Variants in SYMPK observed in about 807,000 individuals in gnomAD.
The protein encoded by SYMPK is symplekin scaffold protein, also known as symplekin.
Under a neutral mutation model 136.4 loss-of-function variants are expected in SYMPK, and 49 were observed. The ratio of observed to expected loss-of-function variants is 0.36; its 90% confidence interval spans 0.29 to 0.46. The LOEUF is 0.46. SYMPK is among the 20% of genes least tolerant of loss of function. The pLI is 1.00. For synonymous variants in SYMPK, 766 were observed against 713.0 expected, an observed-to-expected ratio of 1.07 and a Z score of -1.19; for missense variants, 1,365 against 1,690.0, an observed-to-expected ratio of 0.81 and a Z score of 3.37.
intron 5 of SYMPK, 54 bp from the exon 6 acceptor site, chr19:45,848,930 G>C: frequency 6.2e-7 from 1 of 1,609,740 alleles, no homozygotes; most frequent in Non-Finnish European, 8.5e-7. Context: ...AGAGCAAGTA[G>C]GAGGAGCCTG....
rs185128526 is a variant in SYMPK, at chr19:45,830,111, G to A, written c.1692C>T (p.Gly564=). The part of the protein sequence containing the change: ...TDAQVEAMKL[G]AVKRILRAEK... ...CAGCCCGCAGGATCCGCTTCACAGCGCCCAGCTTCATGGCTTCCACCTGGG... is the reference window on the plus strand; with the variant it reads ...CAGCCCGCAGGATCCGCTTCACAGCACCCAGCTTCATGGCTTCCACCTGGG... Residue 564 remains glycine (G), a synonymous_variant, in exon 13 of 27, where the codon GGC becomes GGT. Transcript: ENST00000245934. The A allele has an allele frequency of 1.9e-5, 30 of 1,586,708 alleles. No individual in the cohort carries two copies. Among genetic ancestry groups the A allele is most frequent in the Admixed American group, 5.3e-5 (3 of 56,874 alleles).
chr19:45,860,806 T>A (rs941737978), intron 1 of SYMPK, among the ~76,000 whole-genome samples: 13 of 152,184 alleles, frequency 8.5e-5, no homozygotes, highest in Non-Finnish European at 1.9e-4. Flanking sequence ...CATTTAATTT[T>A]TGTACTTTCT....
At position 45,854,251 on chromosome 19, in the gene SYMPK, G is replaced by A. The variant is rs550461331; in HGVS notation, c.106-11C>T. On this transcript the variant is annotated splice_polypyrimidine_tract_variant and intron_variant, in intron 2 of 26. Coordinates refer to ENST00000245934, the MANE Select transcript of SYMPK (RefSeq NM_004819.3). ...CAGAAGATCCACCACCTGGAAGGAG[G>A]GGGAGTGGCAGGGGATAGTGCCAGC... 4.3e-6 allele frequency: 7 copies of A among 1,614,050 alleles called. No individual in the cohort carries two copies. The South Asian group carries it at 7.7e-5, about 18-fold the overall frequency.
Position 45,821,573 on chromosome 19 carries a change from G to A in SYMPK, c.2792-88C>T. 1 of 865,280 alleles carries A rather than the reference G, an allele frequency of 1.2e-6. No individual in the cohort carries two copies. The highest frequency in any genetic ancestry group is 1.9e-6 in the Non-Finnish European group (1 of 539,896). The allele number at this position is 865,280 out of a possible 1,614,324, so 53.6% of individuals were successfully genotyped here. On this transcript the variant is annotated intron_variant, in intron 21 of 26. Transcript: ENST00000245934. This position sits in a 1 kb window ranked among gnomAD's most constrained non-coding sequence, Gnocchi z 4.4. ...CTGAGTTCCCCAGATCGGGGGAGCT[G>A]CGAGCAAAGATGAGGTGCCCTCTGC...
At position 45,842,259 on chromosome 19, in the gene SYMPK, T is replaced by C. The variant is rs1232111363; in HGVS notation, c.1078A>G (p.Met360Val). Residue 360 changes from methionine to valine, a missense_variant, in exon 9 of 27, where the codon ATG (methionine) becomes GTG (valine). This residue lies in a region of SYMPK where 111 missense variants were observed against 141.2 expected (regional missense o/e 0.79). Coordinates refer to ENST00000245934, the MANE Select transcript of SYMPK (RefSeq NM_004819.3). ...RDDSDSTLKK[M>V]KLEPNLGEDD... ...CACCAGCCCCTCTCACCCAGCTTCA[T>C]CTTCTTGAGTGTGGAGTCCGAGTCA... 2 of 1,614,072 alleles carry C rather than the reference T, an allele frequency of 1.2e-6. No homozygotes were observed. The highest frequency in any genetic ancestry group is 1.7e-6 in the Non-Finnish European group (2 of 1,180,040).
At chr19:45,831,165 A>G in intron 12 of SYMPK, 1 of 367,024 alleles carries the variant, frequency 2.7e-6, no homozygotes, top group Non-Finnish European at 4.6e-6. Flanking sequence ...AGACATAAAA[A>G]AGGATTTTTT....
At position 45,860,293 on chromosome 19, in the gene SYMPK, T is replaced by C. The variant is rs1330509059; in HGVS notation, c.-13+2765A>G. Among the ~76,000 whole-genome samples, 3 of 145,486 alleles carry C rather than the reference T, an allele frequency of 2.1e-5. 1 individual carries two copies. The highest frequency in any genetic ancestry group is 7.9e-3 in the Middle Eastern group (2 of 254). ...CAACATGGTGAAACCTCATCTCTAC[T>C]AAAAATACAAAAAAATTAGCCAGGC... On this transcript the variant is annotated intron_variant, in intron 1 of 26. Coordinates refer to ENST00000245934, the MANE Select transcript of SYMPK (RefSeq NM_004819.3).
rs1283494060 is a variant in SYMPK at position 45,826,448 on chromosome 19, A to G, written c.2182-75T>C. On this transcript the variant is annotated intron_variant, in intron 16 of 26. Transcript: ENST00000245934. ...GAACAGCTATTCCTGCGAGCATGGC[A>G]ACACTCACGTGAAAACAAGCCCGAG... The G allele has an allele frequency of 4.6e-6, 7 of 1,518,542 alleles. No homozygotes were observed. In the East Asian group the frequency reaches 1.6e-4, roughly 34 times the overall value. The allele number at this position is 1,518,542 out of a possible 1,614,324, so 94.1% of individuals were successfully genotyped here.
chr19:45,818,252 G>C, intron 22 of SYMPK, 106 bp from the exon 23 acceptor site: 1 of 1,215,402 alleles, frequency 8.2e-7, no homozygotes, highest in Non-Finnish European at 1.1e-6. Context: ...GACTTCTAAA[G>C]CCCTGACTTC....
intron 3 of SYMPK, among the ~76,000 whole-genome samples, chr19:45,852,809 T>C (rs1971728565): frequency 6.6e-6 from 1 of 152,108 alleles, no homozygotes; most frequent in Non-Finnish European, 1.5e-5. Context: ...CAGGTCCTGG[T>C]AGATAGTGAG....
rs143536833 is a variant in SYMPK at position 45,857,787 on chromosome 19, A to C, written c.-12-3280T>G. Among the ~76,000 whole-genome samples, 471 of 146,812 alleles carry C rather than the reference A, an allele frequency of 3.2e-3. 3 individuals are homozygous for C. The highest frequency in any genetic ancestry group is 0.011 in the African/African-American group (454 of 39,558). ...ATTACAGGCGTGAGCCACCGCAACCAGCCGAAAATACTTTTTTTTTTTTTT... is the reference window on the plus strand; with the variant it reads ...ATTACAGGCGTGAGCCACCGCAACCCGCCGAAAATACTTTTTTTTTTTTTT... On this transcript the variant is annotated intron_variant, in intron 1 of 26. Transcript: ENST00000245934.
intron 14 of SYMPK, chr19:45,828,178 TA>T (rs1270521584): frequency 4.4e-5 from 19 of 431,904 alleles, no homozygotes; most frequent in Middle Eastern, 1.4e-3. Context: ...TCACTGAACA[TA>T]AGAACGGGAG....
rs73564384 is a variant in SYMPK, at chr19:45,821,070, C to A, written c.2893+314G>T. ...GTGTGCCCTGCTTCCTTCTGTTCCT[C>A]GGGGCTAGGGGTGGGGCTACCCAAC... On this transcript the variant is annotated intron_variant, in intron 22 of 26. Coordinates refer to ENST00000245934, the MANE Select transcript of SYMPK (RefSeq NM_004819.3). This position sits in a 1 kb window ranked among gnomAD's most constrained non-coding sequence, Gnocchi z 4.4. 2 of 629,596 alleles carry A rather than the reference C, an allele frequency of 3.2e-6. No homozygotes were observed. The highest frequency in any genetic ancestry group is 5.3e-5 in the Admixed American group (2 of 37,706). 39.0% of individuals were successfully genotyped at this position (629,596 alleles called of 1,614,324 possible).
chr19:45,828,689 G>A, intron 14 of SYMPK: 1 of 504,164 alleles, frequency 2.0e-6, no homozygotes, highest in South Asian at 2.3e-5. Context: ...TTACAGATGG[G>A]AAAATGGCAG....
chr19:45,825,445 G>A (rs1285793822), intron 17 of SYMPK, 114 bp from the exon 18 acceptor site: 21 of 1,320,154 alleles, frequency 1.6e-5, no homozygotes, highest in East Asian at 1.5e-4. Context: ...GAAGGGAGCC[G>A]GGGCTGGGGA....
rs1221776746 is a variant in SYMPK, at chr19:45,835,241, C to G, written c.1243-13G>C. On this transcript the variant is annotated splice_polypyrimidine_tract_variant and intron_variant, in intron 10 of 26. Coordinates refer to ENST00000245934, the MANE Select transcript of SYMPK (RefSeq NM_004819.3). ...TGCTGATGAGGACCTGTGGGATGCC[C>G]AGGAAGAGAGCCTCTCCTTAATCAT... 2 of 1,561,748 alleles carry G rather than the reference C, an allele frequency of 1.3e-6. No homozygotes were observed. Among genetic ancestry groups the G allele is most frequent in the Non-Finnish European group, 1.7e-6 (2 of 1,153,706 alleles).
chr19:45,854,702 T>C (rs546465694), intron 1 of SYMPK, 195 bp from the exon 2 acceptor site: 144 of 561,502 alleles, frequency 2.6e-4, no homozygotes, highest in South Asian at 2.5e-3. Flanking sequence ...GGCCTGTAAC[T>C]TGGGGGAGAC....
At chr19:45,817,560 G>T (rs1330384459) in intron 23 of SYMPK, among the ~76,000 whole-genome samples, 1 of 151,586 alleles carries the variant, frequency 6.6e-6, no homozygotes, top group African/African-American at 2.4e-5. Context: ...GCCTCCCAAA[G>T]AGTTGGCATT....
intron 23 of SYMPK, 63 bp from the exon 24 acceptor site, chr19:45,817,037 C>A: frequency 6.7e-7 from 1 of 1,502,672 alleles, no homozygotes; most frequent in South Asian, 1.2e-5. Flanking sequence ...AGCCTTGACA[C>A]TGGGAGAAAG....
Sources: gnomAD v4.1 joint callset for allele counts (sites outside exome capture counted in the v4.1 genomes callset) on GRCh38, gnomAD v4.1.1 for gene constraint, gnomAD v4.1.1 regional missense constraint, Gnocchi (gnomAD v3.1) non-coding constraint, MANE v1.5 for transcripts, NCBI Gene and HGNC (gene_info 2026-07-23, HGNC 2026-07-21) for gene names.